CUBN: variants seen among roughly 807,000 people sequenced by gnomAD.
CUBN encodes the protein 460 kDa receptor.
A neutral mutation model predicts 405.3 loss-of-function variants in CUBN; 282 were observed. That is an observed-to-expected ratio of 0.70 (90% CI 0.63 to 0.77). The LOEUF is 0.77. Among genes scored for constraint, CUBN ranks in the 30% least tolerant of loss-of-function variants. The pLI is 0.00. For missense variants in CUBN, 4,514 were observed against 4,475.2 expected (o/e 1.01, Z -0.25); for synonymous variants, 1,684 against 1,617.0 (o/e 1.04, Z -0.99).
At chr10:16,881,993 C>T (rs1237229275) in intron 56 of CUBN, among the ~76,000 whole-genome samples, 1 of 152,262 alleles carries the variant, frequency 6.6e-6, no homozygotes, top group East Asian at 1.9e-4. Flanking sequence ...TAAACACTTT[C>T]TCATCATTAT....
At chr10:16,984,540 G>C (rs1833366230) in intron 29 of CUBN, among the ~76,000 whole-genome samples, 1 of 152,110 alleles carries the variant, frequency 6.6e-6, no homozygotes. Context: ...GGACGGAGTA[G>C]ATTATTCCAG....
chr10:16,841,151 A>G, intron 60 of CUBN, 104 bp from the exon 61 acceptor site: 1 of 923,554 alleles, frequency 1.1e-6, no homozygotes, highest in Non-Finnish European at 1.7e-6. Flanking sequence ...AAACATTTTT[A>G]CATTGATTTT....
intron 8 of CUBN, among the ~76,000 whole-genome samples, chr10:17,111,703 C>T (rs1472627269): frequency 2.0e-5 from 3 of 152,160 alleles, no homozygotes; most frequent in Admixed American, 1.3e-4. Context: ...GTGGGCAGAT[C>T]ACCTGAGGCC....
intron 17 of CUBN, among the ~76,000 whole-genome samples, chr10:17,083,516 A>AATAAATAC (rs59957943): frequency 8.3e-4 from 119 of 142,724 alleles, no homozygotes; most frequent in East Asian, 2.5e-3. Flanking sequence ...AAAATAAATA[A>AATAAATAC]ATACATACAT....
In CUBN at chr10:16,851,380, G is replaced by A; in HGVS notation, c.9518C>T (p.Ser3173Phe). The part of the protein sequence containing the change: ...GSNNTFASPD[S>F]DSNGMYDKNL... ...CTTGTCATACATTCCATTCGAATCA[G>A]AATCAGGAGAGGCAAAGGTATTATT... The change falls in exon 60 of 67, where the codon TCT becomes TTT. Residue 3173 changes from serine to phenylalanine, a missense_variant. By Grantham distance (155) the Ser-to-Phe change is radical (BLOSUM62 -2). Coordinates refer to ENST00000377833, the MANE Select transcript of CUBN (RefSeq NM_001081.4). 1.2e-6 allele frequency: 2 copies of A among 1,614,134 alleles called. No homozygotes were observed. The highest frequency in any genetic ancestry group is 1.7e-6 in the Non-Finnish European group (2 of 1,180,020).
At chr10:17,040,168 C>A (rs531118882) in intron 27 of CUBN, among the ~76,000 whole-genome samples, 1 of 152,198 alleles carries the variant, frequency 6.6e-6, no homozygotes, top group South Asian at 2.1e-4. Flanking sequence ...AAACAACTAC[C>A]TTAAGTCACT....
intron 49 of CUBN, among the ~76,000 whole-genome samples, chr10:16,906,808 T>C (rs1207939836): frequency 6.6e-6 from 1 of 152,190 alleles, no homozygotes; most frequent in African/African-American, 2.4e-5. Flanking sequence ...AAACAGATAA[T>C]AGGACATTAA....
chr10:16,862,996 T>A (rs1840062699), intron 59 of CUBN, among the ~76,000 whole-genome samples: 1 of 152,238 alleles, frequency 6.6e-6, no homozygotes, highest in Non-Finnish European at 1.5e-5. Context: ...GGCAATCTAG[T>A]CATTGGTGGG....
At chr10:16,921,624 A>G (rs1842035490) in intron 43 of CUBN, among the ~76,000 whole-genome samples, 1 of 152,136 alleles carries the variant, frequency 6.6e-6, no homozygotes, top group African/African-American at 2.4e-5. Flanking sequence ...TTCTGACACC[A>G]AGCTCTTCTC....
intron 64 of CUBN, among the ~76,000 whole-genome samples, chr10:16,834,727 C>T (rs533845079): frequency 6.6e-6 from 1 of 152,236 alleles, no homozygotes; most frequent in East Asian, 1.9e-4. Context: ...TTAGGAACCC[C>T]AACCCATGCT....
intron 27 of CUBN, among the ~76,000 whole-genome samples, chr10:17,022,717 C>T (rs1834531397): frequency 6.6e-6 from 1 of 152,180 alleles, no homozygotes. Context: ...GCATGAAGTA[C>T]AGTTCTAAAC....
chr10:16,993,978 C>T (rs1833662458), intron 28 of CUBN, among the ~76,000 whole-genome samples: 1 of 152,160 alleles, frequency 6.6e-6, no homozygotes, highest in Admixed American at 6.5e-5. Flanking sequence ...ATTAAAAGTT[C>T]ACAGCAAATG....
intron 27 of CUBN, among the ~76,000 whole-genome samples, chr10:17,032,661 C>G (rs997690914): frequency 6.6e-6 from 1 of 152,168 alleles, no homozygotes; most frequent in Admixed American, 6.5e-5. Flanking sequence ...GAATAACTCT[C>G]TAATGCCTCA....
chr10:17,005,257 T>C (rs1041421306), intron 28 of CUBN, among the ~76,000 whole-genome samples: 3 of 152,210 alleles, frequency 2.0e-5, no homozygotes, highest in Non-Finnish European at 2.9e-5. Context: ...TCTCACCTTT[T>C]GTTCATTATC....
intron 26 of CUBN, among the ~76,000 whole-genome samples, chr10:17,042,770 T>C (rs901339837): frequency 6.6e-6 from 1 of 152,180 alleles, no homozygotes; most frequent in African/African-American, 2.4e-5. Context: ...TCAATGTGAA[T>C]CTTAAAATTC....
At chr10:16,921,193 A>G (rs1842023465) in intron 43 of CUBN, among the ~76,000 whole-genome samples, 2 of 152,144 alleles carry the variant, frequency 1.3e-5, no homozygotes, top group Admixed American at 1.3e-4. Context: ...GACTTTCCCC[A>G]TTTCCTCTTG....
chr10:16,945,172 T>C (rs1229741198), intron 36 of CUBN, among the ~76,000 whole-genome samples: 1 of 151,904 alleles, frequency 6.6e-6, no homozygotes, highest in Non-Finnish European at 1.5e-5. Flanking sequence ...GTCAACAATG[T>C]GAATGTGGTA....
rs773480436 is a variant in CUBN, at chr10:17,041,106, C to T, written c.3944G>A (p.Gly1315Asp). ...TAAAAATGTGTAGTTCACAGTGTTG[C>T]CTGTTGTTGCCCGGATGGTCCAGTT... The part of the protein sequence containing the change: ...HCNWTIRATT[G>D]NTVNYTFLAF... The change falls in exon 27 of 67, where the codon GGC becomes GAC. Residue 1315 changes from glycine (G) to aspartate (D), a missense_variant. By Grantham distance (94) the Gly-to-Asp change is moderately conservative (BLOSUM62 -1). Transcript: ENST00000377833. 10 of 1,613,230 alleles carry T rather than the reference C, an allele frequency of 6.2e-6. No homozygotes were observed. In the South Asian group the frequency reaches 1.1e-4, roughly 18 times the overall value.
Position 16,918,763 on chromosome 10 carries a change from C to A in CUBN, c.6859G>T (p.Asp2287Tyr), listed in dbSNP as rs1344241063. 3 of 1,613,848 alleles carry A rather than the reference C, an allele frequency of 1.9e-6. No homozygotes were observed. The highest frequency in any genetic ancestry group is 2.5e-6 in the Non-Finnish European group (3 of 1,179,852). Reference sequence around the variant, plus strand: ...TTGGAAAGTATTGGTGCATCCGAATCCACTCCATCCCGCAACTCAAGGTAG... The same window carrying A: ...TTGGAAAGTATTGGTGCATCCGAATACACTCCATCCCGCAACTCAAGGTAG... ...SNYLELRDGV[D>Y]SDAPILSKFC... Residue 2287 changes from aspartate to tyrosine, a missense_variant, in exon 45 of 67, where the codon GAT becomes TAT. Transcript: ENST00000377833.
Sources: allele counts gnomAD v4.1 joint callset (sites outside exome capture counted in the v4.1 genomes callset), GRCh38; gene constraint gnomAD v4.1.1; transcripts MANE v1.5; gene names NCBI Gene and HGNC (gene_info 2026-07-23, HGNC 2026-07-21).